Variants in INPP4B observed in about 807,000 individuals in gnomAD.
INPP4B encodes the protein inositol polyphosphate-4-phosphatase type II B.
In INPP4B, 55 loss-of-function variants were observed where a neutral mutation model predicts 122.5. The ratio of observed to expected loss-of-function variants is 0.45; its 90% CI spans 0.36 to 0.56. The LOEUF is 0.56. Ranked by LOEUF, INPP4B falls within the 20% of genes least tolerant of loss-of-function variation. The pLI is 0.00. For synonymous variants in INPP4B, 403 were observed against 388.7 expected (o/e 1.04, Z -0.43); for missense variants, 1,000 against 1,097.7 (o/e 0.91, Z 1.26).
At chr4:142,586,766 A>G (rs541086766) in intron 2 of INPP4B, among the ~76,000 whole-genome samples, 1 of 152,292 alleles carries the variant, frequency 6.6e-6, no homozygotes, top group Non-Finnish European at 1.5e-5. Flanking sequence ...GGAAGGAGAG[A>G]ATTAATGAAA....
At chr4:142,302,733 A>G (rs776316246) in intron 9 of INPP4B, among the ~76,000 whole-genome samples, 1 of 152,128 alleles carries the variant, frequency 6.6e-6, no homozygotes, top group Admixed American at 6.6e-5. Context: ...TACCTTGTTT[A>G]CAAGTCTAGA....
chr4:142,833,228 G>T (rs910440222), intron 1 of INPP4B, among the ~76,000 whole-genome samples: 2 of 151,928 alleles, frequency 1.3e-5, no homozygotes, highest in Admixed American at 1.3e-4. Flanking sequence ...TTATGTTTTT[G>T]TCATCTAGAA....
At chr4:142,347,582 T>C in intron 7 of INPP4B, 1 of 378,554 alleles carries the variant, frequency 2.6e-6, no homozygotes, top group Non-Finnish European at 5.2e-6. Flanking sequence ...TGCTATTATT[T>C]TCATTTAATT....
intron 17 of INPP4B, among the ~76,000 whole-genome samples, 158 bp from the exon 18 acceptor site, chr4:142,146,154 A>G (rs952861739): frequency 1.3e-5 from 2 of 152,228 alleles, no homozygotes; most frequent in South Asian, 4.1e-4. Context: ...CTATGGATAT[A>G]TAATGAATCT....
intron 5 of INPP4B, among the ~76,000 whole-genome samples, chr4:142,425,046 G>T (rs185899207): frequency 2.6e-4 from 39 of 152,164 alleles, no homozygotes; most frequent in African/African-American, 9.4e-4. Flanking sequence ...AACCTATGGT[G>T]AAGGAGTCAG....
chr4:142,337,769 A>G (rs1225673422), intron 7 of INPP4B, among the ~76,000 whole-genome samples: 2 of 144,450 alleles, frequency 1.4e-5, no homozygotes, highest in Non-Finnish European at 3.0e-5. Context: ...TATATTTTAT[A>G]TATATATTTA....
chr4:142,371,009 C>T (rs1421414223), intron 7 of INPP4B, among the ~76,000 whole-genome samples: 1 of 152,102 alleles, frequency 6.6e-6, no homozygotes, highest in Non-Finnish European at 1.5e-5. Flanking sequence ...AAGCTGAAGG[C>T]ACCACACTAC....
chr4:142,653,932 G>T (rs774445705), intron 2 of INPP4B, among the ~76,000 whole-genome samples: 31 of 152,170 alleles, frequency 2.0e-4, no homozygotes, highest in Non-Finnish European at 3.7e-4. Context: ...TATGTTTACT[G>T]TGGTATTATT....
intron 7 of INPP4B, among the ~76,000 whole-genome samples, chr4:142,341,516 C>G (rs886757352): frequency 1.3e-5 from 2 of 152,058 alleles, no homozygotes; most frequent in Non-Finnish European, 2.9e-5. Flanking sequence ...GCTCTCATGA[C>G]TCCCCCGGCA....
rs539313008 is a variant in INPP4B at position 142,168,326 on chromosome 4, C to T, written c.1359+5306G>A. On this transcript the variant is annotated intron_variant, in intron 16 of 25. Transcript: ENST00000262992. ...TATTCCTTGATTTTTCTTCTGGTCA[C>T]GGATCATATTTTCCTGCTTCATGGC... Among the ~76,000 whole-genome samples, 8 of 151,558 alleles carry T rather than the reference C, an allele frequency of 5.3e-5. No individual in the cohort carries two copies. The South Asian group carries it at 6.2e-4, about 12-fold the overall frequency.
chr4:142,447,618 C>T (rs1268175304), intron 3 of INPP4B, among the ~76,000 whole-genome samples: 2 of 151,998 alleles, frequency 1.3e-5, no homozygotes, highest in African/African-American at 2.4e-5. Context: ...TTGAAATCAC[C>T]CTGAAGGATC....
At chr4:142,814,282 G>A (rs573168592) in intron 1 of INPP4B, among the ~76,000 whole-genome samples, 1 of 152,242 alleles carries the variant, frequency 6.6e-6, no homozygotes, top group African/African-American at 2.4e-5. Flanking sequence ...TGGGGAGAAT[G>A]TTTCTTCATC....
chr4:142,091,020 T>C (rs1448902052), intron 23 of INPP4B, among the ~76,000 whole-genome samples: 1 of 152,070 alleles, frequency 6.6e-6, no homozygotes, highest in Non-Finnish European at 1.5e-5. Flanking sequence ...TACATAAATA[T>C]AGAGTAAAAT....
chr4:142,724,536 T>C (rs977605256), intron 2 of INPP4B, among the ~76,000 whole-genome samples: 5 of 152,176 alleles, frequency 3.3e-5, no homozygotes, highest in Admixed American at 1.3e-4. Context: ...TTGTTCTCTT[T>C]ATAATGTCCC....
intron 3 of INPP4B, among the ~76,000 whole-genome samples, chr4:142,459,849 T>C (rs535886761): frequency 9.2e-5 from 14 of 152,314 alleles, no homozygotes; most frequent in Non-Finnish European, 1.2e-4. Context: ...TCAGAAATTA[T>C]ATGTTACTAT....
intron 3 of INPP4B, among the ~76,000 whole-genome samples, chr4:142,440,665 C>T (rs1037499376): frequency 6.6e-6 from 1 of 152,132 alleles, no homozygotes; most frequent in Non-Finnish European, 1.5e-5. Flanking sequence ...TTCACTTTTT[C>T]TCTCATGGAG....
At chr4:142,489,966 A>G (rs1478881758) in intron 2 of INPP4B, among the ~76,000 whole-genome samples, 1 of 152,012 alleles carries the variant, frequency 6.6e-6, no homozygotes, top group Non-Finnish European at 1.5e-5. Context: ...CATGTTATGT[A>G]TTTTCCCATC....
intron 25 of INPP4B, among the ~76,000 whole-genome samples, chr4:142,047,077 C>T (rs755943972): frequency 6.6e-6 from 1 of 152,056 alleles, no homozygotes; most frequent in African/African-American, 2.4e-5. Context: ...ACAGAGCCAT[C>T]ATTTCTGACA....
intron 1 of INPP4B, among the ~76,000 whole-genome samples, chr4:142,823,720 A>G (rs1465246697): frequency 1.3e-5 from 2 of 152,194 alleles, no homozygotes; most frequent in Non-Finnish European, 2.9e-5. Context: ...TCCAGTTGGA[A>G]TGATAGCGTT....
Sources: gnomAD v4.1 joint callset for allele counts (sites outside exome capture counted in the v4.1 genomes callset) on GRCh38, gnomAD v4.1.1 for gene constraint, MANE v1.5 for transcripts, NCBI Gene and HGNC (gene_info 2026-07-23, HGNC 2026-07-21) for gene names.